SNX29: variants seen among roughly 807,000 people sequenced by gnomAD.
SNX29 encodes the protein sorting nexin-29.
A neutral mutation model predicts 102.1 loss-of-function variants in SNX29; 78 were observed. The ratio of observed to expected loss-of-function variants is 0.76; its 90% CI spans 0.64 to 0.92. SNX29 has a LOEUF of 0.92. Among genes scored for constraint, SNX29 ranks in the 40% least tolerant of loss-of-function variants. The probability of loss-of-function intolerance (pLI) is 0.00; values close to 1 mark genes in which losing one functional copy is unlikely to be tolerated. For synonymous variants in SNX29, 580 were observed against 414.5 expected, an observed-to-expected ratio of 1.40 and a Z score of -4.85; for missense variants, 1,280 against 1,061.7, an observed-to-expected ratio of 1.21 and a Z score of -2.86.
intron 11 of SNX29, among the ~76,000 whole-genome samples, chr16:12,088,550 A>C (rs1263827670): frequency 2.6e-5 from 4 of 152,154 alleles, no homozygotes; most frequent in Non-Finnish European, 5.9e-5. Context: ...TGGCGTTTCG[A>C]GTGTTGACAG....
chr16:11,995,322 C>T (rs2056023534), intron 1 of SNX29, among the ~76,000 whole-genome samples: 1 of 152,062 alleles, frequency 6.6e-6, no homozygotes, highest in Non-Finnish European at 1.5e-5. Context: ...CGCTTTGGCC[C>T]CCCAAAGTTG....
At chr16:12,308,115 C>G (rs1464956508) in intron 15 of SNX29, among the ~76,000 whole-genome samples, 1 of 152,248 alleles carries the variant, frequency 6.6e-6, no homozygotes, top group Non-Finnish European at 1.5e-5. Flanking sequence ...CGAGGGCTCA[C>G]TGCTGAAGGT....
chr16:11,990,206 C>T (rs2055795817), intron 1 of SNX29, among the ~76,000 whole-genome samples: 1 of 152,188 alleles, frequency 6.6e-6, no homozygotes, highest in African/African-American at 2.4e-5. Flanking sequence ...GTCGAGTTGG[C>T]TGGAACATTG....
intron 8 of SNX29, among the ~76,000 whole-genome samples, chr16:12,057,798 T>C (rs1261259526): frequency 6.8e-6 from 1 of 147,524 alleles, no homozygotes; most frequent in Admixed American, 6.9e-5. Flanking sequence ...TACATACATA[T>C]ACATATATAT....
intron 20 of SNX29, among the ~76,000 whole-genome samples, chr16:12,555,354 A>T (rs144413013): frequency 3.9e-5 from 6 of 151,956 alleles, no homozygotes; most frequent in African/African-American, 1.4e-4. Context: ...ATGTTGGTTA[A>T]CTTTTCTCCC....
At chr16:12,044,929 T>C (rs11863344) in intron 5 of SNX29, among the ~76,000 whole-genome samples, 56,618 of 151,920 alleles carry the variant, frequency 0.37, 11,085 homozygotes, top group Middle Eastern at 0.45. Context: ...TCCAGCATAT[T>C]ATTTACGGGT....
intron 14 of SNX29, among the ~76,000 whole-genome samples, chr16:12,211,441 G>C (rs1188250310): frequency 6.6e-6 from 1 of 152,158 alleles, no homozygotes; most frequent in Non-Finnish European, 1.5e-5. Context: ...TAACAGCTCT[G>C]TGAGGATGGG....
chr16:12,396,940 T>G (rs964367398), intron 16 of SNX29, among the ~76,000 whole-genome samples: 6 of 152,352 alleles, frequency 3.9e-5, no homozygotes, highest in South Asian at 2.1e-4. Flanking sequence ...AGGGTCATGC[T>G]CTGTCACCCA....
chr16:12,522,635 A>G (rs2090143418), intron 19 of SNX29, among the ~76,000 whole-genome samples: 1 of 152,010 alleles, frequency 6.6e-6, no homozygotes, highest in African/African-American at 2.4e-5. Context: ...CTCCCGCTTC[A>G]CTGTCTTCCT....
At chr16:12,503,377 G>T (rs1393207186) in intron 19 of SNX29, among the ~76,000 whole-genome samples, 1 of 152,218 alleles carries the variant, frequency 6.6e-6, no homozygotes, top group East Asian at 1.9e-4. Context: ...GGAGGCTGCT[G>T]CCGAGTGGTG....
chr16:12,398,233 G>A (rs1351626368), intron 16 of SNX29, among the ~76,000 whole-genome samples: 1 of 152,108 alleles, frequency 6.6e-6, no homozygotes, highest in African/African-American at 2.4e-5. Context: ...AGATAATTGA[G>A]ATCCCTCATG....
chr16:12,245,162 T>G (rs760931479), intron 14 of SNX29, among the ~76,000 whole-genome samples: 2 of 152,158 alleles, frequency 1.3e-5, no homozygotes, highest in Non-Finnish European at 2.9e-5. Context: ...TAAGTAGTGG[T>G]TGAGAGCATA....
At chr16:12,295,232 C>T (rs755207235) in intron 15 of SNX29, among the ~76,000 whole-genome samples, 3 of 152,166 alleles carry the variant, frequency 2.0e-5, no homozygotes, top group African/African-American at 7.2e-5. Context: ...CACTTCTACT[C>T]GTCCCAGGGT....
chr16:12,244,149 G>A (rs1023866904), intron 14 of SNX29, among the ~76,000 whole-genome samples: 5 of 152,214 alleles, frequency 3.3e-5, no homozygotes, highest in East Asian at 1.9e-4. Flanking sequence ...GAGCTCAGGC[G>A]GTGATGCTCA....
intron 14 of SNX29, among the ~76,000 whole-genome samples, chr16:12,204,533 A>T (rs1271547015): frequency 6.6e-6 from 1 of 152,146 alleles, no homozygotes; most frequent in Non-Finnish European, 1.5e-5. Context: ...TAAAGCCACG[A>T]GCTCTCCTCG....
At chr16:12,564,738 C>G (rs562090344) in intron 20 of SNX29, among the ~76,000 whole-genome samples, 1 of 151,920 alleles carries the variant, frequency 6.6e-6, no homozygotes. Context: ...GCAGTTGTGC[C>G]TAACAACTGT....
intron 15 of SNX29, among the ~76,000 whole-genome samples, chr16:12,350,602 G>A (rs982819504): frequency 6.6e-6 from 1 of 152,146 alleles, no homozygotes; most frequent in Non-Finnish European, 1.5e-5. Context: ...AGAGTTCAGA[G>A]GTGGAGAGGT....
rs2076855451 is a variant in SNX29, at chr16:12,528,799, T to C, written c.2318+3958T>C. Among the ~76,000 whole-genome samples the C allele has an allele frequency of 3.3e-5, 5 of 152,370 alleles. No individual in the cohort carries two copies. The South Asian group carries it at 1.0e-3, about 32-fold the overall frequency. The stretch of plus-strand genomic sequence containing the variant: ...GCATTCGGTTTGCACACTGTGCCAC[T>C]GTGTGTTCTGTGAACAGGGCCACTG... On this transcript the variant is annotated intron_variant, in intron 20 of 20. Transcript: ENST00000566228.
At chr16:12,412,283 C>T (rs563899510) in intron 18 of SNX29, among the ~76,000 whole-genome samples, 1 of 152,312 alleles carries the variant, frequency 6.6e-6, no homozygotes, top group African/African-American at 2.4e-5. Flanking sequence ...TTGAATGAGT[C>T]CCTCTGGGTC....
Sources: gnomAD v4.1 joint callset for allele counts (sites outside exome capture counted in the v4.1 genomes callset) on GRCh38, gnomAD v4.1.1 for gene constraint, MANE v1.5 for transcripts, NCBI Gene and HGNC (gene_info 2026-07-23, HGNC 2026-07-21) for gene names.